The following RYK variants were observed in gnomAD, a reference collection of about 807,000 sequenced individuals.
The protein encoded by RYK is inactive tyrosine-protein kinase RYK.
In RYK, 21 loss-of-function variants were observed where a neutral mutation model predicts 70.2. The observed-to-expected ratio is 0.30, with a 90% CI of 0.21 to 0.43. The LOEUF (loss-of-function observed/expected upper bound fraction) is 0.43. Ranked by LOEUF, RYK falls within the 20% of genes least tolerant of loss-of-function variation. RYK has a pLI of 1.00. For synonymous variants in RYK, 267 were observed against 278.0 expected, an observed-to-expected ratio of 0.96 and a Z score of 0.39; for missense variants, 604 against 753.3, an observed-to-expected ratio of 0.80 and a Z score of 2.32.
chr3:134,212,859 A>G (rs983512680), intron 2 of RYK, among the ~76,000 whole-genome samples: 1 of 152,176 alleles, frequency 6.6e-6, no homozygotes, highest in Non-Finnish European at 1.5e-5. Flanking sequence ...TTCTCCTTTC[A>G]CACTCTATTT....
At chr3:134,165,646 T>TAGCTGAGAGATGATGTTCCCACCC (rs1413838377) in intron 13 of RYK, among the ~76,000 whole-genome samples, 6 of 152,176 alleles carry the variant, frequency 3.9e-5, no homozygotes, top group Admixed American at 6.5e-5. Context: ...ACGTTCCACC[T>TAGCTGAGAGATGATGTTCCCACCC]AGCTGAGAGA....
At chr3:134,171,604 C>T (rs1461544822) in intron 13 of RYK, among the ~76,000 whole-genome samples, 1 of 152,156 alleles carries the variant, frequency 6.6e-6, no homozygotes, top group Non-Finnish European at 1.5e-5. Flanking sequence ...CAGTGGCTCC[C>T]GCCTGTAATC....
intron 2 of RYK, among the ~76,000 whole-genome samples, chr3:134,217,375 C>T (rs771597525): frequency 6.6e-6 from 1 of 152,184 alleles, no homozygotes; most frequent in Non-Finnish European, 1.5e-5. Flanking sequence ...CCTGCCCTCA[C>T]GTGTGACTTT....
At chr3:134,244,913 A>T (rs1304447535) in intron 1 of RYK, among the ~76,000 whole-genome samples, 1 of 152,198 alleles carries the variant, frequency 6.6e-6, no homozygotes, top group Non-Finnish European at 1.5e-5. Context: ...GACCCAGGGG[A>T]GCTCGTTTGC....
intron 1 of RYK, among the ~76,000 whole-genome samples, chr3:134,237,655 G>A (rs2015228036): frequency 6.6e-6 from 1 of 152,096 alleles, no homozygotes; most frequent in Non-Finnish European, 1.5e-5. Flanking sequence ...ATGACCTTTG[G>A]CAACCAATTA....
intron 5 of RYK, among the ~76,000 whole-genome samples, chr3:134,205,344 C>A (rs2014183683): frequency 6.6e-6 from 1 of 152,084 alleles, no homozygotes; most frequent in Non-Finnish European, 1.5e-5. Flanking sequence ...AAAATTTAAC[C>A]TTCCTATCAA....
At position 134,175,722 on chromosome 3, in the gene RYK, T is replaced by C. The variant is rs778624399; in HGVS notation, c.1462A>G (p.Arg488Gly). ...TGATAGTCCATGGGGAACAAGTCTCTGGAGAGGGCATTGTCTGTGATCTTA... is the reference window on the plus strand; with the variant it reads ...TGATAGTCCATGGGGAACAAGTCTCCGGAGAGGGCATTGTCTGTGATCTTA... ...QVKITDNALS[R>G]DLFPMDYHCL... is the part of the protein sequence containing the mutation. Residue 488 changes from arginine to glycine, a missense_variant, in exon 13 of 15, where the codon AGA becomes GGA. Coordinates refer to ENST00000623711, the MANE Select transcript of RYK (RefSeq NM_002958.4). 3 of 1,613,838 alleles carry C rather than the reference T, an allele frequency of 1.9e-6. No homozygotes were observed. The highest frequency in any genetic ancestry group is 2.5e-6 in the Non-Finnish European group (3 of 1,179,848).
intron 9 of RYK, among the ~76,000 whole-genome samples, chr3:134,187,190 TAAAC>T (rs2013492595): frequency 6.6e-6 from 1 of 152,222 alleles, no homozygotes; most frequent in African/African-American, 2.4e-5. Context: ...GTAGCAGCCT[TAAAC>T]AAACAATTTT....
Position 134,250,498 on chromosome 3 carries a change from G to A in RYK, c.157C>T (p.Pro53Ser), listed in dbSNP as rs564758389. Residue 53 changes from proline to serine, a missense_variant, in exon 1 of 15, where the codon CCG becomes TCG. Coordinates refer to ENST00000623711, the MANE Select transcript of RYK (RefSeq NM_002958.4). ...CCCGCGGAAGCCGACTGCAGCTCCG[G>A]GGGCCGCGGGGCGGGGGCGGCGGCA... Reference protein sequence around the residue: ...GAAAAPAPRPPELQSASAGPS... With the variant: ...GAAAAPAPRPSELQSASAGPS... 1.1e-4 allele frequency: 146 copies of A among 1,280,680 alleles called. No homozygotes were observed. In the East Asian group the frequency reaches 4.7e-3, roughly 41 times the overall value. The allele number at this position is 1,280,680 out of a possible 1,614,324, so 79.3% of individuals were successfully genotyped here. A position where few individuals can be genotyped will look rare whatever the true frequency, so the allele number is the denominator to read the frequency against.
intron 6 of RYK, among the ~76,000 whole-genome samples, chr3:134,202,031 C>G (rs1372927907): frequency 6.6e-6 from 1 of 152,220 alleles, no homozygotes; most frequent in Non-Finnish European, 1.5e-5. Context: ...ATACATATCA[C>G]AGTCATCAAA....
At chr3:134,187,040 C>A (rs1490252801) in intron 9 of RYK, among the ~76,000 whole-genome samples, 2 of 152,130 alleles carry the variant, frequency 1.3e-5, no homozygotes, top group African/African-American at 4.8e-5. Flanking sequence ...AAAGGATGGA[C>A]CTAACACATA....
chr3:134,171,784 T>C (rs1327190033), intron 13 of RYK, among the ~76,000 whole-genome samples: 2 of 152,020 alleles, frequency 1.3e-5, no homozygotes, highest in Non-Finnish European at 2.9e-5. Context: ...GGAGGACCAC[T>C]TGAGCCCAGG....
Position 134,206,944 on chromosome 3 carries a change from C to T in RYK, c.643+528G>A, listed in dbSNP as rs373238624. On this transcript the variant is annotated intron_variant, in intron 5 of 14. Coordinates refer to ENST00000623711, the MANE Select transcript of RYK (RefSeq NM_002958.4). ...TTTAAGATACTGCTATTAACACTAC[C>T]GCAAGAAGAGTAAGACCCAACGATG... Among the ~76,000 whole-genome samples, 122 of 151,436 alleles carry T rather than the reference C, an allele frequency of 8.1e-4. 2 individuals are homozygous for T. The South Asian group carries it at 0.023, about 29-fold the overall frequency.
chr3:134,223,437 G>C (rs901493488), intron 1 of RYK, among the ~76,000 whole-genome samples: 13 of 151,750 alleles, frequency 8.6e-5, no homozygotes, highest in Admixed American at 5.3e-4. Flanking sequence ...CTTTTCAGTG[G>C]CAAATCAACA....
chr3:134,158,671 C>A lies in RYK; in HGVS notation c.1713-407G>T, dbSNP rs2012335526. Among the ~76,000 whole-genome samples, 3 of 152,270 alleles carry A rather than the reference C, an allele frequency of 2.0e-5. No homozygotes were observed. The South Asian group carries it at 6.2e-4, about 32-fold the overall frequency. On this transcript the variant is annotated intron_variant, in intron 14 of 14. Coordinates refer to ENST00000623711, the MANE Select transcript of RYK (RefSeq NM_002958.4). The stretch of plus-strand genomic sequence containing the variant: ...CTGCCACCTTGTCATGGTGCAGAAA[C>A]CTTCAGGAGGTTCTGGAACTGAGAA...
chr3:134,159,666 T>C (rs572359313), intron 13 of RYK, among the ~76,000 whole-genome samples: 27 of 152,350 alleles, frequency 1.8e-4, no homozygotes, highest in African/African-American at 5.8e-4. Flanking sequence ...TCTTCTAATA[T>C]GAGAATTTGT....
chr3:134,230,637 C>A (rs1187993495), intron 1 of RYK, among the ~76,000 whole-genome samples: 1 of 152,080 alleles, frequency 6.6e-6, no homozygotes, highest in African/African-American at 2.4e-5. Flanking sequence ...TGATAGAAAT[C>A]AGGTCAGTGG....
At chr3:134,203,567 A>G (rs1265662310) in intron 5 of RYK, among the ~76,000 whole-genome samples, 1 of 152,252 alleles carries the variant, frequency 6.6e-6, no homozygotes, top group Non-Finnish European at 1.5e-5. Flanking sequence ...GTACCAAAGT[A>G]GAAAGAAAAA....
chr3:134,184,462 T>C (rs2013398324), intron 9 of RYK, among the ~76,000 whole-genome samples: 1 of 152,106 alleles, frequency 6.6e-6, no homozygotes, highest in South Asian at 2.1e-4. Flanking sequence ...ATATTTCTAT[T>C]ATAAAATTGA....
Sources: gnomAD v4.1 joint callset for allele counts (sites outside exome capture counted in the v4.1 genomes callset) on GRCh38, gnomAD v4.1.1 for gene constraint, MANE v1.5 for transcripts, NCBI Gene and HGNC (gene_info 2026-07-23, HGNC 2026-07-21) for gene names.